UBE3A: variants seen among roughly 807,000 people sequenced by gnomAD.
UBE3A encodes the protein ubiquitin-protein ligase E3A.
A neutral mutation model predicts 83.4 loss-of-function variants in UBE3A; 6 were observed. The observed-to-expected ratio is 0.07, with a 90% confidence interval of 0.04 to 0.14. The LOEUF (loss-of-function observed/expected upper bound fraction) is 0.14. Among genes scored for constraint, UBE3A ranks in the 10% least tolerant of loss-of-function variants. The pLI, the probability that UBE3A is intolerant of heterozygous loss-of-function variation, is 1.00. For synonymous variants in UBE3A, 337 were observed against 355.4 expected (o/e 0.95, Z 0.58); for missense variants, 456 against 1,036.1 (o/e 0.44, Z 7.69).
chr15:25,428,809 A>T (rs1372259385), intron 1 of UBE3A, among the ~76,000 whole-genome samples: 2 of 152,206 alleles, frequency 1.3e-5, no homozygotes, highest in East Asian at 3.9e-4. Context: ...TAAAGTATAC[A>T]TGGGCATATC....
At chr15:25,436,573 T>C (rs754757400) in intron 1 of UBE3A, among the ~76,000 whole-genome samples, 23 of 152,090 alleles carry the variant, frequency 1.5e-4, no homozygotes, top group Non-Finnish European at 1.2e-4. Context: ...GAGATTGAAA[T>C]AGAAATGATC....
At chr15:25,368,732 G>A (rs1449453419) in intron 6 of UBE3A, among the ~76,000 whole-genome samples, 1 of 152,008 alleles carries the variant, frequency 6.6e-6, no homozygotes, top group Non-Finnish European at 1.5e-5. Flanking sequence ...AAAAGCAGTT[G>A]TTTCCTTAAA....
intron 4 of UBE3A, among the ~76,000 whole-genome samples, chr15:25,397,489 C>A (rs2085853810): frequency 6.6e-6 from 1 of 152,118 alleles, no homozygotes; most frequent in Non-Finnish European, 1.5e-5. Context: ...TCTGAAGACC[C>A]ATAGGCTATC....
At chr15:25,378,009 CTTAT>C (rs375205813) in intron 4 of UBE3A, among the ~76,000 whole-genome samples, 162 of 152,082 alleles carry the variant, frequency 1.1e-3, no homozygotes, top group African/African-American at 3.9e-3. Flanking sequence ...CTTTTGATTT[CTTAT>C]TTATTCTTTC....
chr15:25,389,752 G>C (rs1003492388), intron 4 of UBE3A, among the ~76,000 whole-genome samples: 1 of 152,080 alleles, frequency 6.6e-6, no homozygotes, highest in Non-Finnish European at 1.5e-5. Context: ...GCCAGGTGTG[G>C]TGGTGCACGG....
chr15:25,395,605 G>A (rs1482748985), intron 4 of UBE3A, among the ~76,000 whole-genome samples: 2 of 152,130 alleles, frequency 1.3e-5, no homozygotes, highest in East Asian at 1.9e-4. Flanking sequence ...TATGAGAGAC[G>A]TAGGTTTGGG....
intron 1 of UBE3A, among the ~76,000 whole-genome samples, chr15:25,424,369 G>T (rs901413849): frequency 2.6e-5 from 4 of 152,126 alleles, no homozygotes; most frequent in African/African-American, 9.7e-5. Flanking sequence ...TTTCAGTGAA[G>T]TTTTCTCTAC....
At position 25,375,884 on chromosome 15, in the gene UBE3A, G is replaced by A. The variant is rs1046953472; in HGVS notation, c.63-121C>T. 11 of 1,120,962 alleles carry A rather than the reference G, an allele frequency of 9.8e-6. No homozygotes were observed. In the East Asian group the frequency reaches 1.5e-4, roughly 15 times the overall value. 69.4% of individuals were successfully genotyped at this position (1,120,962 alleles called of 1,614,324 possible). ...AAGTGATTAACCTGTGTATGAAGAT[G>A]AGAAGTAGAAAATGGAGATGCACTA... On this transcript the variant is annotated intron_variant, in intron 4 of 12. Coordinates refer to ENST00000648336, the MANE Select transcript of UBE3A (RefSeq NM_130839.5).
chr15:25,339,936 A>G (rs547963898), intron 12 of UBE3A, 149 bp downstream of exon 12: 21 of 1,090,258 alleles, frequency 1.9e-5, no homozygotes, highest in African/African-American at 1.9e-4. Flanking sequence ...CAATGACAGC[A>G]AAGTATTTTC....
At chr15:25,410,155 AC>A (rs1355055669) in intron 2 of UBE3A, among the ~76,000 whole-genome samples, 2 of 152,202 alleles carry the variant, frequency 1.3e-5, no homozygotes, top group Non-Finnish European at 2.9e-5. Flanking sequence ...ATAATAAAAA[AC>A]ATCAGTCAAA....
At chr15:25,372,220 G>A (rs1237662585) in intron 5 of UBE3A, among the ~76,000 whole-genome samples, 1 of 152,042 alleles carries the variant, frequency 6.6e-6, no homozygotes, top group Non-Finnish European at 1.5e-5. Flanking sequence ...ACTAATCTGT[G>A]AGTTTTCTTG....
chr15:25,339,791 A>G (rs1294429502), intron 12 of UBE3A: 2 of 425,334 alleles, frequency 4.7e-6, no homozygotes, highest in African/African-American at 4.0e-5. Context: ...TTCTAAATAG[A>G]TGATCATGTT....
rs1566962361 is a variant in UBE3A, at chr15:25,371,685, G to C, written c.489C>G (p.Ser163Arg). The C allele has an allele frequency of 6.2e-7, 1 of 1,613,996 alleles. No individual in the cohort carries two copies. Among genetic ancestry groups the C allele is most frequent in the East Asian group, 2.2e-5 (1 of 44,848 alleles). ...VFSSAEALVQ[S>R]FRKVKQHTKE... ...TGGTGTGTTGTTTAACTTTCCGGAA[G>C]CTCTGTACCAATGCCTCAGCACTAG... is the stretch of plus-strand genomic sequence containing the variant. The change falls in exon 6 of 13, where the codon AGC (serine) becomes AGG (arginine). Residue 163 changes from serine to arginine, a missense_variant. By Grantham distance (110) the Ser-to-Arg change is moderately radical. Around this residue, in one of 13 missense-constraint regions of UBE3A, gnomAD observed 34 missense variants for 79.1 expected, o/e 0.43. Coordinates refer to ENST00000648336, the MANE Select transcript of UBE3A (RefSeq NM_130839.5). This position sits in a 1 kb window ranked among gnomAD's most constrained non-coding sequence, Gnocchi z 5.3.
intron 4 of UBE3A, among the ~76,000 whole-genome samples, chr15:25,385,784 G>C (rs1205177518): frequency 2.6e-5 from 4 of 152,102 alleles, no homozygotes; most frequent in Admixed American, 2.6e-4. Context: ...AAATCCTGAA[G>C]TGTAATAGAC....
At chr15:25,437,399 GTCTCTGACAGGTAACTTTCAA>G (rs1170373937) in intron 1 of UBE3A, among the ~76,000 whole-genome samples, 1 of 152,134 alleles carries the variant, frequency 6.6e-6, no homozygotes, top group Non-Finnish European at 1.5e-5. Flanking sequence ...GTACCTTTGT[GTCTCTGACAGGTAACTTTCAA>G]CAGTTGTATT....
intron 1 of UBE3A, among the ~76,000 whole-genome samples, chr15:25,414,860 T>C (rs2090593181): frequency 1.3e-5 from 2 of 152,208 alleles, no homozygotes; most frequent in African/African-American, 4.8e-5. Context: ...GGTCAAAACC[T>C]GCCAGTGCAG....
intron 4 of UBE3A, among the ~76,000 whole-genome samples, chr15:25,387,467 A>G (rs8024413): frequency 0.12 from 18,080 of 152,144 alleles, 1,133 homozygotes; most frequent in Middle Eastern, 0.23. Context: ...GCTTGCGGTG[A>G]GCCGAGATCG....
intron 4 of UBE3A, among the ~76,000 whole-genome samples, chr15:25,402,963 C>T (rs1426305447): frequency 2.6e-5 from 4 of 152,178 alleles, no homozygotes; most frequent in African/African-American, 9.7e-5. Flanking sequence ...CAACTCAACA[C>T]TTTGGTCTGG....
intron 1 of UBE3A, among the ~76,000 whole-genome samples, chr15:25,430,066 A>G (rs1197775125): frequency 2.7e-5 from 3 of 109,708 alleles, no homozygotes; most frequent in Admixed American, 1.1e-4. Flanking sequence ...TGTATTATAT[A>G]TATATAATAC....
Sources: gnomAD v4.1 joint callset for allele counts (sites outside exome capture counted in the v4.1 genomes callset) on GRCh38, gnomAD v4.1.1 for gene constraint, gnomAD v4.1.1 regional missense constraint, Gnocchi (gnomAD v3.1) non-coding constraint, MANE v1.5 for transcripts, NCBI Gene and HGNC (gene_info 2026-07-23, HGNC 2026-07-21) for gene names.